Variants in ABHD18 observed in about 807,000 individuals in gnomAD.
ABHD18 encodes abhydrolase domain containing 18.
Under a neutral mutation model 65.9 loss-of-function variants are expected in ABHD18, and 55 were observed. The observed-to-expected ratio is 0.84, with a 90% CI of 0.67 to 1.05. The LOEUF (loss-of-function observed/expected upper bound fraction) is 1.05, where lower values mean the gene tolerates loss of function less well. ABHD18 is among the 50% of genes least tolerant of loss of function. The pLI is 0.00. For missense variants in ABHD18, 533 were observed against 558.5 expected (o/e 0.95, Z 0.46); for synonymous variants, 181 against 180.2 (o/e 1.00, Z -0.04).
intron 1 of ABHD18, among the ~76,000 whole-genome samples, chr4:127,970,848 G>A (rs1372685195): frequency 6.6e-6 from 1 of 152,048 alleles, no homozygotes; most frequent in Non-Finnish European, 1.5e-5. Flanking sequence ...GCCAAGGTGT[G>A]TGGATCACCT....
intron 4 of ABHD18, among the ~76,000 whole-genome samples, chr4:127,990,991 G>C (rs1750820312): frequency 6.6e-6 from 1 of 152,066 alleles, no homozygotes; most frequent in Admixed American, 6.6e-5. Flanking sequence ...AGCCGCCTGA[G>C]TAGCTGGGAT....
chr4:127,999,759 GT>G (rs942429005), intron 4 of ABHD18, among the ~76,000 whole-genome samples: 4 of 151,724 alleles, frequency 2.6e-5, no homozygotes, highest in Non-Finnish European at 5.9e-5. Context: ...TTGATACTTT[GT>G]TTTTTTTCTG....
chr4:128,033,123 G>A lies in ABHD18; in HGVS notation c.1343+2451G>A, dbSNP rs1327518325. 3.3e-5 allele frequency among the ~76,000 whole-genome samples: 5 copies of A among 152,138 alleles called. No individual in the cohort carries two copies. In the South Asian group the frequency reaches 8.3e-4, roughly 25 times the overall value. On this transcript the variant is annotated intron_variant, in intron 12 of 12. Transcript: ENST00000645843. Reference sequence around the variant, plus strand: ...AAAAAAATTAGCTGGGCGTGGTGGCGGGTGCCTGTAGTCCCAGCTACTGCA... The same window carrying A: ...AAAAAAATTAGCTGGGCGTGGTGGCAGGTGCCTGTAGTCCCAGCTACTGCA...
chr4:127,968,230 T>C (rs561933151), intron 1 of ABHD18, among the ~76,000 whole-genome samples: 13 of 152,214 alleles, frequency 8.5e-5, no homozygotes, highest in African/African-American at 2.6e-4. Flanking sequence ...CAAACAAACA[T>C]CCTATTTTCT....
intron 1 of ABHD18, among the ~76,000 whole-genome samples, chr4:127,972,022 G>A (rs1185436455): frequency 6.6e-6 from 1 of 152,100 alleles, no homozygotes; most frequent in Non-Finnish European, 1.5e-5. Flanking sequence ...GCTCCTGAGA[G>A]CCCTGTGGGT....
chr4:127,966,753 C>T (rs1579073785), intron 1 of ABHD18, among the ~76,000 whole-genome samples: 2 of 124,940 alleles, frequency 1.6e-5, no homozygotes, highest in East Asian at 2.5e-4. Flanking sequence ...GGCGTGGTGG[C>T]GGGCGCCTAT....
chr4:128,024,482 G>A (rs977730559), intron 10 of ABHD18, among the ~76,000 whole-genome samples: 8 of 152,000 alleles, frequency 5.3e-5, no homozygotes, highest in South Asian at 4.1e-4. Flanking sequence ...TCACAATAAC[G>A]AATATTCAAT....
At position 128,021,258 on chromosome 4, in the gene ABHD18, C is replaced by T; in HGVS notation, c.801+20C>T. On this transcript the variant is annotated intron_variant, in intron 10 of 12. Transcript: ENST00000645843. The stretch of plus-strand genomic sequence containing the variant: ...TGTGGAGTAAGTATTTCACTTTCCA[C>T]CCAACATTGGTGGTGGGGGGAGTTG... The T allele has an allele frequency of 7.2e-7, 1 of 1,380,516 alleles. No individual in the cohort carries two copies. The highest frequency in any genetic ancestry group is 2.5e-5 in the East Asian group (1 of 40,056). The allele number at this position is 1,380,516 out of a possible 1,614,324, so 85.5% of individuals were successfully genotyped here.
intron 8 of ABHD18, among the ~76,000 whole-genome samples, chr4:128,018,092 T>C (rs779102312): frequency 6.6e-6 from 1 of 152,174 alleles, no homozygotes; most frequent in Non-Finnish European, 1.5e-5. Context: ...TGCTCCCTTA[T>C]TCTCTTTCAC....
chr4:127,975,126 T>C (rs1448593512), intron 1 of ABHD18, among the ~76,000 whole-genome samples: 1 of 152,156 alleles, frequency 6.6e-6, no homozygotes, highest in East Asian at 1.9e-4. Context: ...CTATTTTGTT[T>C]TCTCAGTTTT....
At position 128,037,225 on chromosome 4, in the gene ABHD18, G is replaced by A. The variant is rs1758963451; in HGVS notation, c.*1412G>A. On this transcript the variant is annotated 3_prime_UTR_variant, in exon 13 of 13. Transcript: ENST00000645843. ...GCAGGAGAATTGCTTGAACCCGGGA[G>A]GCAGAAGTTGCAGTGAGCGGAGATC... is the stretch of plus-strand genomic sequence containing the variant. 1 of 152,210 alleles carries A rather than the reference G, an allele frequency of 6.6e-6. No homozygotes were observed. The highest frequency in any genetic ancestry group is 1.5e-5 in the Non-Finnish European group (1 of 68,240). The allele number at this position is 152,210 out of a possible 1,614,324, so 9.4% of individuals were successfully genotyped here.
At chr4:127,987,755 T>C (rs1307269839) in intron 3 of ABHD18, among the ~76,000 whole-genome samples, 3 of 152,020 alleles carry the variant, frequency 2.0e-5, no homozygotes, top group Admixed American at 6.6e-5. Context: ...AAGAACACTT[T>C]ATGCTAATAG....
chr4:127,981,458 T>C (rs971555113), intron 1 of ABHD18, among the ~76,000 whole-genome samples: 1 of 152,218 alleles, frequency 6.6e-6, no homozygotes, highest in African/African-American at 2.4e-5. Context: ...AAATATAAGA[T>C]CAATGAGAAC....
At chr4:128,005,227 C>T (rs1753406576) in intron 4 of ABHD18, among the ~76,000 whole-genome samples, 1 of 151,058 alleles carries the variant, frequency 6.6e-6, no homozygotes, top group Non-Finnish European at 1.5e-5. Context: ...GACTCTGTCT[C>T]AAAAAAAAAT....
At chr4:128,020,894 C>T (rs1756384631) in intron 9 of ABHD18, among the ~76,000 whole-genome samples, 1 of 152,006 alleles carries the variant, frequency 6.6e-6, no homozygotes. Context: ...ATTAGCTGGG[C>T]GTGGTGGCAC....
chr4:127,987,517 C>T (rs1352326411), intron 3 of ABHD18, among the ~76,000 whole-genome samples: 1 of 151,994 alleles, frequency 6.6e-6, no homozygotes, highest in East Asian at 1.9e-4. Context: ...CGAGACCAGC[C>T]TGGCCAACCT....
intron 7 of ABHD18, among the ~76,000 whole-genome samples, chr4:128,011,989 T>C (rs1230366498): frequency 6.6e-6 from 1 of 152,110 alleles, no homozygotes; most frequent in Admixed American, 6.6e-5. Context: ...CCTTTCTTTT[T>C]TTTTTTTTGA....
At chr4:128,032,437 A>G (rs953566335) in intron 12 of ABHD18, among the ~76,000 whole-genome samples, 1 of 152,250 alleles carries the variant, frequency 6.6e-6, no homozygotes, top group African/African-American at 2.4e-5. Flanking sequence ...CTGTAATCCC[A>G]GCACTTCAGG....
chr4:128,021,552 G>T (rs576166939), intron 10 of ABHD18, among the ~76,000 whole-genome samples: 1 of 152,254 alleles, frequency 6.6e-6, no homozygotes, highest in African/African-American at 2.4e-5. Flanking sequence ...TATTCAGGAG[G>T]CTGAGGCAGG....
Sources: gnomAD v4.1 joint callset for allele counts (sites outside exome capture counted in the v4.1 genomes callset) on GRCh38, gnomAD v4.1.1 for gene constraint, MANE v1.5 for transcripts, NCBI Gene and HGNC (gene_info 2026-07-23, HGNC 2026-07-21) for gene names.